Variants in GLT1D1 observed in about 807,000 individuals in gnomAD.
The protein encoded by GLT1D1 is glycosyltransferase 1 domain-containing protein 1.
Under a neutral mutation model 28.7 loss-of-function variants are expected in GLT1D1, and 21 were observed. The ratio of observed to expected loss-of-function variants is 0.73; its 90% CI spans 0.52 to 1.05. The LOEUF is 1.05. GLT1D1 is among the 50% of genes least tolerant of loss of function. The pLI is 0.00. For synonymous variants in GLT1D1, 147 were observed against 124.8 expected (o/e 1.18, Z -1.19); for missense variants, 343 against 330.6 (o/e 1.04, Z -0.29).
At chr12:128,856,817 A>T (rs490555) in intron 1 of GLT1D1, among the ~76,000 whole-genome samples, 16,827 of 152,202 alleles carry the variant, frequency 0.11, 1,142 homozygotes, top group African/African-American at 0.19. Context: ...AAATAAAAAA[A>T]TTAGCCAGCT....
intron 1 of GLT1D1, among the ~76,000 whole-genome samples, chr12:128,863,807 G>T (rs541642234): frequency 6.6e-6 from 1 of 152,110 alleles, no homozygotes; most frequent in East Asian, 1.9e-4. Context: ...GTAGCCACAC[G>T]TGGTGGCGGG....
At chr12:128,861,534 G>T (rs916816229) in intron 1 of GLT1D1, among the ~76,000 whole-genome samples, 5 of 152,170 alleles carry the variant, frequency 3.3e-5, no homozygotes, top group Admixed American at 6.5e-5. Context: ...AAGCCCAAGG[G>T]GCAGTTCAGT....
At chr12:128,921,967 C>G (rs1278534273) in intron 4 of GLT1D1, among the ~76,000 whole-genome samples, 1 of 148,974 alleles carries the variant, frequency 6.7e-6, no homozygotes. Flanking sequence ...ACTTCCCCCT[C>G]TTTTTGGTAC....
chr12:128,923,659 T>C (rs1872880677), intron 4 of GLT1D1, among the ~76,000 whole-genome samples: 1 of 152,020 alleles, frequency 6.6e-6, no homozygotes, highest in Admixed American at 6.6e-5. Flanking sequence ...GTAGCTGGGA[T>C]TACAAGTGCC....
intron 1 of GLT1D1, among the ~76,000 whole-genome samples, chr12:128,856,575 C>G (rs941640954): frequency 2.0e-5 from 3 of 151,944 alleles, no homozygotes; most frequent in Non-Finnish European, 4.4e-5. Flanking sequence ...GAGGGATGGT[C>G]CCAGGAAGGA....
At chr12:128,941,778 A>G (rs1011870237) in intron 4 of GLT1D1, among the ~76,000 whole-genome samples, 4 of 151,044 alleles carry the variant, frequency 2.6e-5, no homozygotes, top group Non-Finnish European at 5.9e-5. Flanking sequence ...GGCTTTCACC[A>G]TGTTGGCCAG....
intron 1 of GLT1D1, among the ~76,000 whole-genome samples, chr12:128,870,773 C>T (rs559755030): frequency 7.9e-5 from 12 of 152,282 alleles, no homozygotes; most frequent in African/African-American, 2.9e-4. Context: ...AGGCGGATCA[C>T]CTGAGGTTGG....
Position 128,881,775 on chromosome 12 carries a change from T to A in GLT1D1, c.217+5713T>A, listed in dbSNP as rs1957067166. Among the ~76,000 whole-genome samples, 6 of 151,146 alleles carry A rather than the reference T, an allele frequency of 4.0e-5. No homozygotes were observed. In the South Asian group the frequency reaches 1.3e-3, roughly 32 times the overall value. On this transcript the variant is annotated intron_variant, in intron 2 of 7. Coordinates refer to ENST00000281703, the MANE Select transcript of GLT1D1 (RefSeq NM_144669.3). ...TGACTCTTGCTCTGTAGTTTGTGTG[T>A]ATATTTTAAAAATTGCAATCATATT...
chr12:128,944,235 C>T (rs1422795218), intron 4 of GLT1D1: 3 of 514,552 alleles, frequency 5.8e-6, no homozygotes, highest in African/African-American at 3.9e-5. Context: ...GAGGTTTGCC[C>T]ATCTTACTAC....
At chr12:128,971,431 CTCCT>C (rs1879041662) in intron 7 of GLT1D1, among the ~76,000 whole-genome samples, 1 of 124,112 alleles carries the variant, frequency 8.1e-6, no homozygotes, top group Admixed American at 8.2e-5. Flanking sequence ...CCTTCCTCTC[CTCCT>C]CCCTCCCTTC....
At chr12:128,859,844 G>A (rs1956312526) in intron 1 of GLT1D1, among the ~76,000 whole-genome samples, 1 of 152,002 alleles carries the variant, frequency 6.6e-6, no homozygotes. Context: ...GAAAATACTG[G>A]GAAAAAAAGA....
intron 2 of GLT1D1, among the ~76,000 whole-genome samples, chr12:128,885,547 A>C (rs552602298): frequency 6.6e-6 from 1 of 152,320 alleles, no homozygotes; most frequent in African/African-American, 2.4e-5. Context: ...TTTCAAGTGT[A>C]CAATACATTG....
intron 4 of GLT1D1, among the ~76,000 whole-genome samples, chr12:128,914,472 C>T (rs1276687833): frequency 1.3e-5 from 2 of 152,140 alleles, no homozygotes; most frequent in Admixed American, 6.5e-5. Context: ...TTCAGTGACA[C>T]ACTCAGAGCA....
chr12:128,974,746 G>A (rs780864574), intron 7 of GLT1D1, among the ~76,000 whole-genome samples: 25 of 152,212 alleles, frequency 1.6e-4, no homozygotes, highest in Non-Finnish European at 3.2e-4. Context: ...TGTAATAGAA[G>A]GCTATAGCAG....
intron 4 of GLT1D1, among the ~76,000 whole-genome samples, chr12:128,921,961 C>A (rs1460240409): frequency 6.7e-6 from 1 of 149,124 alleles, no homozygotes; most frequent in Non-Finnish European, 1.5e-5. Context: ...TTCTTGACTT[C>A]CCCCTCTTTT....
At chr12:128,855,133 T>G (rs966831425) in intron 1 of GLT1D1, among the ~76,000 whole-genome samples, 1 of 150,108 alleles carries the variant, frequency 6.7e-6, no homozygotes, top group Non-Finnish European at 1.5e-5. Context: ...GGAGAATCGC[T>G]TGAACCTGGG....
chr12:128,939,744 C>G (rs1179724245), intron 4 of GLT1D1, among the ~76,000 whole-genome samples: 2 of 151,682 alleles, frequency 1.3e-5, no homozygotes, highest in Admixed American at 1.3e-4. Context: ...AGGAAAAGCG[C>G]GAGGCTGGAG....
At chr12:128,883,419 G>A (rs1480814155) in intron 2 of GLT1D1, among the ~76,000 whole-genome samples, 3 of 150,472 alleles carry the variant, frequency 2.0e-5, no homozygotes, top group Admixed American at 1.3e-4. Flanking sequence ...GTGAAACCCC[G>A]TCTCTACTAA....
At chr12:128,867,488 T>C (rs982546803) in intron 1 of GLT1D1, among the ~76,000 whole-genome samples, 11 of 151,276 alleles carry the variant, frequency 7.3e-5, no homozygotes, top group African/African-American at 2.2e-4. Flanking sequence ...GCATGTTTTG[T>C]TCTTTACTGA....
Sources: allele counts gnomAD v4.1 joint callset (sites outside exome capture counted in the v4.1 genomes callset), GRCh38; gene constraint gnomAD v4.1.1; transcripts MANE v1.5; gene names NCBI Gene and HGNC (gene_info 2026-07-23, HGNC 2026-07-21).